The following DCLK1 variants were observed in gnomAD, a reference collection of about 807,000 sequenced individuals.
DCLK1 encodes the protein doublecortin like kinase 1.
A neutral mutation model predicts 86.2 loss-of-function variants in DCLK1; 16 were observed. The ratio of observed to expected loss-of-function variants is 0.19; its 90% confidence interval spans 0.13 to 0.28. The LOEUF (loss-of-function observed/expected upper bound fraction) is 0.28, where lower values mean the gene tolerates loss of function less well. Ranked by LOEUF, DCLK1 falls within the 10% of genes least tolerant of loss-of-function variation. The pLI is 1.00. For missense variants in DCLK1, 590 were observed against 940.2 expected, an observed-to-expected ratio of 0.63 and a Z score of 4.87; for synonymous variants, 369 against 370.5, an observed-to-expected ratio of 1.00 and a Z score of 0.05.
chr13:35,847,320 C>T (rs999159227), intron 6 of DCLK1: 5 of 984,920 alleles, frequency 5.1e-6, no homozygotes, highest in Admixed American at 6.2e-5. Context: ...CACTTTATTA[C>T]ATGAAGATTT....
intron 3 of DCLK1, among the ~76,000 whole-genome samples, chr13:36,072,145 A>G (rs1883998066): frequency 6.6e-6 from 1 of 151,988 alleles, no homozygotes; most frequent in African/African-American, 2.4e-5. Context: ...TCCCTCACCT[A>G]TTTCCACCAA....
rs532056106 is a variant in DCLK1, at chr13:35,780,040, A to G, written c.2059-5341T>C. 9.2e-5 allele frequency among the ~76,000 whole-genome samples: 14 copies of G among 152,182 alleles called. No individual in the cohort carries two copies. In the South Asian group the frequency reaches 2.1e-3, roughly 23 times the overall value. On this transcript the variant is annotated intron_variant, in intron 16 of 16. Coordinates refer to ENST00000360631, the MANE Select transcript of DCLK1 (RefSeq NM_001330071.2). ...TGTTCCTCTGAAATCCTGCATCACAACTTCAGAGTGTGAGCCCTTTCAACC... is the reference window on the plus strand; with the variant it reads ...TGTTCCTCTGAAATCCTGCATCACAGCTTCAGAGTGTGAGCCCTTTCAACC...
At chr13:35,846,476 A>G (rs936731511) in intron 6 of DCLK1, 12 of 985,224 alleles carry the variant, frequency 1.2e-5, no homozygotes, top group African/African-American at 1.7e-5. Context: ...CTATCTTGGA[A>G]TTTATCCATA....
chr13:35,895,744 C>CA (rs11410630), intron 4 of DCLK1, among the ~76,000 whole-genome samples: 106,011 of 149,680 alleles, frequency 0.71, 38,674 homozygotes, highest in Non-Finnish European at 0.8. Flanking sequence ...TATACTATAG[C>CA]AAAAAAAAAC....
intron 4 of DCLK1, among the ~76,000 whole-genome samples, chr13:35,929,660 G>A (rs982851526): frequency 6.6e-6 from 1 of 152,124 alleles, no homozygotes; most frequent in African/African-American, 2.4e-5. Context: ...GATTCTTCTT[G>A]TCCATTTGCT....
At position 36,114,110 on chromosome 13, in the gene DCLK1, C is replaced by A. The variant is rs767487888; in HGVS notation, c.377-1895G>T. On this transcript the variant is annotated intron_variant, in intron 2 of 16. Transcript: ENST00000360631. Reference sequence around the variant, plus strand: ...ATACAGAGAGCAGTTTACATTTCAACAAAAACTTTAAAAATATATTAAATT... The same window carrying A: ...ATACAGAGAGCAGTTTACATTTCAAAAAAAACTTTAAAAATATATTAAATT... Among the ~76,000 whole-genome samples, 49 of 152,084 alleles carry A rather than the reference C, an allele frequency of 3.2e-4. 1 individual carries two copies. Among genetic ancestry groups the A allele is most frequent in the Non-Finnish European group, 6.2e-4 (42 of 67,996 alleles).
At chr13:35,909,432 C>A in intron 4 of DCLK1, among the ~76,000 whole-genome samples, 1 of 152,276 alleles carries the variant, frequency 6.6e-6, no homozygotes. Context: ...CACTGTATGA[C>A]ATTAAGCAAC....
chr13:35,903,277 C>G (rs1370363831), intron 4 of DCLK1, among the ~76,000 whole-genome samples: 1 of 152,168 alleles, frequency 6.6e-6, no homozygotes, highest in Non-Finnish European at 1.5e-5. Context: ...GCACACATGG[C>G]AAATTAAACA....
chr13:36,045,338 A>ATCTC (rs1882856101), intron 3 of DCLK1, among the ~76,000 whole-genome samples: 1 of 78,606 alleles, frequency 1.3e-5, no homozygotes, highest in South Asian at 4.5e-4. Flanking sequence ...GTGTGTATAT[A>ATCTC]TATATATATA....
chr13:35,952,639 T>C (rs901636387), intron 3 of DCLK1, among the ~76,000 whole-genome samples: 1 of 152,320 alleles, frequency 6.6e-6, no homozygotes, highest in Middle Eastern at 3.4e-3. Context: ...AGATACTGTA[T>C]GTGTAATATA....
At position 35,808,331 on chromosome 13, in the gene DCLK1, G is replaced by A; in HGVS notation, c.1767-11C>T. The A allele has an allele frequency of 1.2e-6, 2 of 1,612,382 alleles. No individual in the cohort carries two copies. The highest frequency in any genetic ancestry group is 1.7e-6 in the Non-Finnish European group (2 of 1,178,476). ...TGGTCATCACCACTTCTGTTTAGGTGAACGACAACAAGGAAAAACAGCACT... is the reference window on the plus strand; with the variant it reads ...TGGTCATCACCACTTCTGTTTAGGTAAACGACAACAAGGAAAAACAGCACT... On this transcript the variant is annotated splice_polypyrimidine_tract_variant and intron_variant, in intron 13 of 16. Transcript: ENST00000360631.
intron 4 of DCLK1, among the ~76,000 whole-genome samples, chr13:35,901,361 G>T (rs961779933): frequency 6.6e-6 from 1 of 151,852 alleles, no homozygotes; most frequent in African/African-American, 2.4e-5. Flanking sequence ...ATGGTGGCAG[G>T]TGCCTGTAGT....
chr13:35,826,681 A>G (rs1003147779), intron 10 of DCLK1, among the ~76,000 whole-genome samples: 1 of 152,056 alleles, frequency 6.6e-6, no homozygotes, highest in Non-Finnish European at 1.5e-5. Context: ...AAAAACTTAA[A>G]GACCCTAGAA....
intron 11 of DCLK1, among the ~76,000 whole-genome samples, chr13:35,812,809 T>A (rs998507667): frequency 1.6e-4 from 25 of 152,200 alleles, no homozygotes; most frequent in Non-Finnish European, 2.9e-5. Flanking sequence ...CACCTGTGAT[T>A]GGGTTGTTAG....
chr13:36,054,906 T>C (rs144981806), intron 3 of DCLK1, among the ~76,000 whole-genome samples: 1 of 152,282 alleles, frequency 6.6e-6, no homozygotes, highest in Non-Finnish European at 1.5e-5. Flanking sequence ...ACATAAAAAG[T>C]AGTGCGGTGG....
In DCLK1 at chr13:35,871,253, C is replaced by A. The variant is rs758716913; in HGVS notation, c.911G>T (p.Arg304Leu). The A allele has an allele frequency of 6.2e-7, 1 of 1,613,622 alleles. No individual in the cohort carries two copies. The highest frequency in any genetic ancestry group is 8.5e-7 in the Non-Finnish European group (1 of 1,179,922). The stretch of plus-strand genomic sequence containing the variant: ...GCTGGTGGAGGCAGGGGACTTGCTA[C>A]GCCTGGACGGTCCTGGGCTCTTGGT... ...STTKSPGPSR[R>L]SKSPASTSSV... Residue 304 changes from arginine (R) to leucine (L), a missense_variant, in exon 5 of 17, where the codon CGT becomes CTT. By Grantham distance (102) the Arg-to-Leu change is moderately radical (BLOSUM62 -2). This residue lies in a region of DCLK1 where 195 missense variants were observed against 365.1 expected (regional missense o/e 0.53). Coordinates refer to ENST00000360631, the MANE Select transcript of DCLK1 (RefSeq NM_001330071.2).
intron 8 of DCLK1, among the ~76,000 whole-genome samples, chr13:35,834,538 G>C (rs773549688): frequency 5.9e-5 from 9 of 152,204 alleles, no homozygotes; most frequent in Non-Finnish European, 1.3e-4. Context: ...TATTATGAAA[G>C]TATTGTGTTA....
At chr13:36,034,214 A>G (rs1882400319) in intron 3 of DCLK1, among the ~76,000 whole-genome samples, 1 of 152,218 alleles carries the variant, frequency 6.6e-6, no homozygotes, top group Non-Finnish European at 1.5e-5. Context: ...ATGCAATCAT[A>G]AGGATTAAAA....
chr13:35,807,649 A>T (rs1389872858), intron 14 of DCLK1, among the ~76,000 whole-genome samples: 1 of 152,264 alleles, frequency 6.6e-6, no homozygotes, highest in Non-Finnish European at 1.5e-5. Context: ...ATTCTAGTGG[A>T]GAGAGTCTGG....
Sources: allele counts gnomAD v4.1 joint callset (sites outside exome capture counted in the v4.1 genomes callset), GRCh38; gene constraint gnomAD v4.1.1; regional missense constraint gnomAD v4.1.1; transcripts MANE v1.5; gene names NCBI Gene and HGNC (gene_info 2026-07-23, HGNC 2026-07-21).